IGSF21: variants seen among roughly 807,000 people sequenced by gnomAD.
IGSF21 encodes immunoglobulin superfamily member 21.
In IGSF21, 28 loss-of-function variants were observed where a neutral mutation model predicts 46.8. The observed-to-expected ratio is 0.60, with a 90% CI of 0.44 to 0.82. IGSF21 has a LOEUF of 0.82. IGSF21 is among the 40% of genes least tolerant of loss of function. The probability of loss-of-function intolerance (pLI) is 0.00; values close to 1 mark genes in which losing one functional copy is unlikely to be tolerated. For missense variants in IGSF21, 624 were observed against 665.5 expected, an observed-to-expected ratio of 0.94 and a Z score of 0.69; for synonymous variants, 284 against 273.6, an observed-to-expected ratio of 1.04 and a Z score of -0.38.
intron 2 of IGSF21, among the ~76,000 whole-genome samples, chr1:18,266,501 C>G (rs978676476): frequency 6.6e-6 from 1 of 152,200 alleles, no homozygotes; most frequent in African/African-American, 2.4e-5. Flanking sequence ...CTTTGACTGA[C>G]CCAGGCTGTC....
intron 1 of IGSF21, among the ~76,000 whole-genome samples, chr1:18,199,031 C>G (rs946034557): frequency 2.0e-5 from 3 of 152,238 alleles, no homozygotes; most frequent in African/African-American, 7.2e-5. Flanking sequence ...GTCCCCCTTC[C>G]CCAGCGGGCC....
At chr1:18,375,186 C>T (rs2086268279) in intron 6 of IGSF21, among the ~76,000 whole-genome samples, 1 of 152,178 alleles carries the variant, frequency 6.6e-6, no homozygotes, top group Admixed American at 6.5e-5. Flanking sequence ...TGTTTGTTTG[C>T]TTATGAACTC....
chr1:18,285,988 A>G (rs2085209000), intron 2 of IGSF21, among the ~76,000 whole-genome samples: 1 of 152,134 alleles, frequency 6.6e-6, no homozygotes, highest in Non-Finnish European at 1.5e-5. Flanking sequence ...TGTGCCTTAC[A>G]GGGAGGCATG....
At chr1:18,270,310 G>A (rs1012984195) in intron 2 of IGSF21, among the ~76,000 whole-genome samples, 20 of 152,174 alleles carry the variant, frequency 1.3e-4, no homozygotes, top group Admixed American at 2.6e-4. Flanking sequence ...CCACTCTCTT[G>A]GCTCCATCCC....
intron 2 of IGSF21, among the ~76,000 whole-genome samples, chr1:18,260,396 A>T (rs987221830): frequency 6.6e-6 from 1 of 152,250 alleles, no homozygotes; most frequent in African/African-American, 2.4e-5. Context: ...CTTCACCAGG[A>T]AATAATTCAG....
intron 1 of IGSF21, among the ~76,000 whole-genome samples, chr1:18,165,324 G>C (rs932550033): frequency 1.3e-5 from 2 of 152,162 alleles, no homozygotes; most frequent in Non-Finnish European, 2.9e-5. Flanking sequence ...TCCTGGACTT[G>C]CGGATGGTCA....
chr1:18,178,280 T>G (rs1374785903), intron 1 of IGSF21, among the ~76,000 whole-genome samples: 1 of 152,166 alleles, frequency 6.6e-6, no homozygotes, highest in Admixed American at 6.5e-5. Flanking sequence ...TCTTTACAAT[T>G]AAGCTGTATG....
At chr1:18,311,556 G>T (rs1373599821) in intron 3 of IGSF21, among the ~76,000 whole-genome samples, 1 of 152,182 alleles carries the variant, frequency 6.6e-6, no homozygotes, top group African/African-American at 2.4e-5. Flanking sequence ...GATTGTTCCA[G>T]GAGGAAGCCC....
At chr1:18,261,850 T>A (rs1557612839) in intron 2 of IGSF21, among the ~76,000 whole-genome samples, 3 of 152,194 alleles carry the variant, frequency 2.0e-5, no homozygotes. Flanking sequence ...AAATCATGTA[T>A]TTTGGAGGTG....
Position 18,348,361 on chromosome 1 carries a change from A to G in IGSF21, c.424+13351A>G, listed in dbSNP as rs940915456. 1.4e-4 allele frequency among the ~76,000 whole-genome samples: 22 copies of G among 152,192 alleles called. 1 individual carries two copies. Among genetic ancestry groups the G allele is most frequent in the Admixed American group, 9.8e-4 (15 of 15,282 alleles). On this transcript the variant is annotated intron_variant, in intron 4 of 9. Transcript: ENST00000251296. The stretch of plus-strand genomic sequence containing the variant: ...ACTCCCTGGACCTTCTGTGTCTCAC[A>G]TACCAGGGCTCCCCTCTTGTTCCAG...
At chr1:18,363,462 C>T (rs1285868379) in intron 5 of IGSF21, among the ~76,000 whole-genome samples, 2 of 142,582 alleles carry the variant, frequency 1.4e-5, no homozygotes, top group African/African-American at 5.2e-5. Context: ...GGTGGGGCAG[C>T]TGGCAGGGTC....
At chr1:18,216,116 G>T (rs187233475) in intron 1 of IGSF21, among the ~76,000 whole-genome samples, 311 of 152,290 alleles carry the variant, frequency 2.0e-3, no homozygotes, top group Admixed American at 3.7e-3. Flanking sequence ...TCAGGAGAGG[G>T]TGTATCAGAC....
At chr1:18,130,678 C>T (rs1222150250) in intron 1 of IGSF21, among the ~76,000 whole-genome samples, 1 of 152,234 alleles carries the variant, frequency 6.6e-6, no homozygotes, top group Non-Finnish European at 1.5e-5. Flanking sequence ...GATCAGCTGG[C>T]TCTCAGGAGC....
intron 4 of IGSF21, among the ~76,000 whole-genome samples, chr1:18,346,539 A>T (rs1246193742): frequency 6.6e-6 from 1 of 152,230 alleles, no homozygotes; most frequent in East Asian, 1.9e-4. Context: ...TCCAAGCAGA[A>T]GCCACAGGAC....
At chr1:18,196,220 C>T (rs779204596) in intron 1 of IGSF21, among the ~76,000 whole-genome samples, 7 of 152,000 alleles carry the variant, frequency 4.6e-5, no homozygotes, top group South Asian at 2.1e-4. Context: ...GCAGGGAGGC[C>T]GGGGAGGATG....
Position 18,334,950 on chromosome 1 carries a change from G to C in IGSF21, c.364G>C (p.Asp122His). 6.2e-7 allele frequency: 1 copy of C among 1,614,168 alleles called. No individual in the cohort carries two copies. The change falls in exon 4 of 10, where the codon GAC becomes CAC. Residue 122 changes from aspartate (D) to histidine (H), a missense_variant. Asp to His is a moderately conservative substitution (Grantham distance 81). Coordinates refer to ENST00000251296, the MANE Select transcript of IGSF21 (RefSeq NM_032880.5). The surrounding 1 kb of genome is among the most constrained non-coding windows in gnomAD (Gnocchi z 4.3). ...GPYECHVGIYDRATREKVVLA... is the reference protein window; with the variant it reads ...GPYECHVGIYHRATREKVVLA... The stretch of plus-strand genomic sequence containing the variant: ...CTATGAGTGCCATGTGGGCATCTAC[G>C]ACCGCGCCACCAGGGAGAAGGTGGT...
At chr1:18,184,224 C>A (rs964831015) in intron 1 of IGSF21, among the ~76,000 whole-genome samples, 1 of 152,216 alleles carries the variant, frequency 6.6e-6, no homozygotes, top group Non-Finnish European at 1.5e-5. Flanking sequence ...ACAGAGTGAG[C>A]ACTTATGTCC....
chr1:18,138,216 C>G (rs1204470457), intron 1 of IGSF21, among the ~76,000 whole-genome samples: 1 of 152,140 alleles, frequency 6.6e-6, no homozygotes, highest in African/African-American at 2.4e-5. Flanking sequence ...AACCAGTGAG[C>G]TTTAAGATCC....
chr1:18,297,736 ATACT>A (rs1470805617), intron 3 of IGSF21, among the ~76,000 whole-genome samples: 5 of 152,300 alleles, frequency 3.3e-5, no homozygotes, highest in African/African-American at 7.2e-5. Context: ...ATTACTTATA[ATACT>A]TACTATCATG....
Sources: gnomAD v4.1 joint callset for allele counts (sites outside exome capture counted in the v4.1 genomes callset) on GRCh38, gnomAD v4.1.1 for gene constraint, Gnocchi (gnomAD v3.1) non-coding constraint, MANE v1.5 for transcripts, NCBI Gene and HGNC (gene_info 2026-07-23, HGNC 2026-07-21) for gene names.